Variants in EAPP observed in about 807,000 individuals in gnomAD.
EAPP encodes the protein E2F associated phosphoprotein.
EAPP carries 38 observed loss-of-function variants against 34.3 expected under a neutral mutation model. That is an observed-to-expected ratio of 1.11 (90% CI 0.85 to 1.45). The LOEUF (loss-of-function observed/expected upper bound fraction) is 1.45. Ranked by LOEUF, EAPP falls within the 40% of genes most tolerant of loss-of-function variation. The pLI is 0.00. For synonymous variants in EAPP, 113 were observed against 117.6 expected (o/e 0.96, Z 0.25); for missense variants, 338 against 343.7 (o/e 0.98, Z 0.13).
rs919485490 is a variant in EAPP at position 34,524,883 on chromosome 14, A to G, written c.471-76T>C. ...GGTTTCTAGTGTCATTTTCCAATAA[A>G]AAGAACCAGTACTATTCAGAGAAAT... On this transcript the variant is annotated intron_variant, in intron 4 of 5. Transcript: ENST00000250454. The G allele has an allele frequency of 6.9e-6, 8 of 1,157,672 alleles. No individual in the cohort carries two copies. The African/African-American group carries it at 1.2e-4, about 18-fold the overall frequency. The allele number at this position is 1,157,672 out of a possible 1,614,324, so 71.7% of individuals were successfully genotyped here.
At chr14:34,518,579 C>A (rs1019681419) in intron 5 of EAPP, among the ~76,000 whole-genome samples, 1 of 152,100 alleles carries the variant, frequency 6.6e-6, no homozygotes, top group Non-Finnish European at 1.5e-5. Context: ...GATCCACCAA[C>A]CTCGGCCTCC....
chr14:34,521,724 T>G (rs750340114), intron 5 of EAPP, among the ~76,000 whole-genome samples: 1 of 149,670 alleles, frequency 6.7e-6, no homozygotes, highest in African/African-American at 2.5e-5. Context: ...AACCTCTGCC[T>G]CCTGGGTTCA....
intron 4 of EAPP, among the ~76,000 whole-genome samples, chr14:34,525,559 A>C (rs1212588312): frequency 1.3e-5 from 2 of 152,196 alleles, no homozygotes; most frequent in African/African-American, 4.8e-5. Context: ...AAAGTAATTA[A>C]GGGCACTGAA....
At chr14:34,522,618 C>A (rs1221733559) in intron 5 of EAPP, among the ~76,000 whole-genome samples, 3 of 152,108 alleles carry the variant, frequency 2.0e-5, no homozygotes, top group African/African-American at 7.2e-5. Context: ...GATATTCTTT[C>A]TTTTTCCTTT....
chr14:34,538,537 G>A (rs1377047326), intron 1 of EAPP, among the ~76,000 whole-genome samples: 1 of 151,552 alleles, frequency 6.6e-6, no homozygotes, highest in Non-Finnish European at 1.5e-5. Context: ...GATTTCCCAT[G>A]CATCCAATGT....
chr14:34,527,950 T>C (rs2138895089), intron 4 of EAPP, among the ~76,000 whole-genome samples: 1 of 152,312 alleles, frequency 6.6e-6, no homozygotes, highest in African/African-American at 2.4e-5. Context: ...GTGGGTACTT[T>C]TGTTATGTGA....
At chr14:34,519,212 C>T (rs766849116) in intron 5 of EAPP, among the ~76,000 whole-genome samples, 1 of 152,070 alleles carries the variant, frequency 6.6e-6, no homozygotes, top group Non-Finnish European at 1.5e-5. Context: ...GTAAGATGTG[C>T]CTGCTTCCCC....
rs187997496 is a variant in EAPP at position 34,534,828 on chromosome 14, C to T, written c.256+1266G>A. On this transcript the variant is annotated intron_variant, in intron 2 of 5. Transcript: ENST00000250454. ...CCAGCCTGGGCAACATAGTGAGACC[C>T]TGTCTCCACAAATTTTTTTTTTTTT... 3.9e-3 allele frequency among the ~76,000 whole-genome samples: 537 copies of T among 138,022 alleles called. 4 individuals carry two copies. The highest frequency in any genetic ancestry group is 0.014 in the African/African-American group (518 of 37,740). 90.5% of individuals were successfully genotyped at this position (138,022 alleles called of 152,430 possible).
intron 5 of EAPP, 46 bp downstream of exon 5, chr14:34,524,651 A>ATGTGTGTG (rs769159699): frequency 2.5e-5 from 25 of 1,000,424 alleles, no homozygotes; most frequent in Admixed American, 5.0e-5. Flanking sequence ...TTTAAACAAA[A>ATGTGTGTG]TATGTATGTG....
In EAPP at chr14:34,524,729, G is replaced by C; in HGVS notation, c.549C>G (p.Ala183=). 1 of 1,608,716 alleles carries C rather than the reference G, an allele frequency of 6.2e-7. No homozygotes were observed. Residue 183 remains alanine (A), a synonymous_variant, in exon 5 of 6, where the codon GCC becomes GCG. Transcript: ENST00000250454. ...AATCAAGGCAAAGTGTGGTCATGCA[G>C]GCAGGACAATTCAAGACAGCATCAC... ...PNSDAVLNCP[A]CMTTLCLDCQ... is the part of the protein sequence containing the mutation.
chr14:34,533,352 C>A (rs1225516075), intron 3 of EAPP, 92 bp downstream of exon 3: 3 of 1,124,072 alleles, frequency 2.7e-6, no homozygotes, highest in Non-Finnish European at 3.9e-6. Flanking sequence ...CTTAAAAGAC[C>A]AAACTCAGAG....
chr14:34,521,040 C>G (rs1879901218), intron 5 of EAPP, among the ~76,000 whole-genome samples: 1 of 151,988 alleles, frequency 6.6e-6, no homozygotes, highest in Non-Finnish European at 1.5e-5. Context: ...ATATCTCCTT[C>G]TCAAGTTTTG....
At chr14:34,528,415 C>CTTTTT (rs1180289298) in intron 4 of EAPP, among the ~76,000 whole-genome samples, 1 of 54,044 alleles carries the variant, frequency 1.9e-5, no homozygotes, top group African/African-American at 6.8e-5. Context: ...CCACAAAACC[C>CTTTTT]TTTTTTTTTT....
intron 3 of EAPP, among the ~76,000 whole-genome samples, chr14:34,532,735 T>C (rs1230695850): frequency 6.7e-6 from 1 of 149,912 alleles, no homozygotes; most frequent in Non-Finnish European, 1.5e-5. Flanking sequence ...AGTGCAATGA[T>C]GCGATCTCAG....
chr14:34,538,169 G>A (rs1400647975), intron 1 of EAPP, among the ~76,000 whole-genome samples: 1 of 152,106 alleles, frequency 6.6e-6, no homozygotes, highest in East Asian at 1.9e-4. Flanking sequence ...CCTAAGGTCA[G>A]GAGTTCAAGA....
In EAPP at chr14:34,526,489, CA is replaced by C. The variant is rs144457018; in HGVS notation, c.471-1683del. Among the ~76,000 whole-genome samples the C allele has an allele frequency of 2.5e-3, 374 of 151,068 alleles. 1 individual carries two copies. The highest frequency in any genetic ancestry group is 9.0e-3 in the African/African-American group (369 of 41,104). ...TGGAATTACACCTGTAATCCCAGGCCAAGGTGGGCAGATCACTTGAGCCTAG... is the reference window on the plus strand; with the variant it reads ...TGGAATTACACCTGTAATCCCAGGCCAGGTGGGCAGATCACTTGAGCCTAG... On this transcript the variant is annotated intron_variant, in intron 4 of 5. Coordinates refer to ENST00000250454, the MANE Select transcript of EAPP (RefSeq NM_018453.4).
intron 2 of EAPP, among the ~76,000 whole-genome samples, chr14:34,535,297 T>C (rs1467775207): frequency 1.3e-5 from 2 of 149,878 alleles, no homozygotes; most frequent in African/African-American, 4.9e-5. Flanking sequence ...ACCCAACTAA[T>C]TTTTGTATTT....
At chr14:34,518,865 T>C (rs1270897791) in intron 5 of EAPP, among the ~76,000 whole-genome samples, 1 of 152,190 alleles carries the variant, frequency 6.6e-6, no homozygotes, top group Non-Finnish European at 1.5e-5. Flanking sequence ...TCCTTACAAG[T>C]GAAGCAAGTT....
At chr14:34,533,344 T>G in intron 3 of EAPP, 100 bp downstream of exon 3, 1 of 1,047,320 alleles carries the variant, frequency 9.5e-7, no homozygotes, top group South Asian at 1.4e-5. Context: ...TGTAATTTCT[T>G]AAAAGACCAA....
Sources: allele counts gnomAD v4.1 joint callset (sites outside exome capture counted in the v4.1 genomes callset), GRCh38; gene constraint gnomAD v4.1.1; transcripts MANE v1.5; gene names NCBI Gene and HGNC (gene_info 2026-07-23, HGNC 2026-07-21).